The following SMARCA2 variants were observed in gnomAD, a reference collection of about 807,000 sequenced individuals.
SMARCA2 encodes the protein SWI/SNF-related matrix-associated actin-dependent regulator of chromatin subfamily A member 2.
Under a neutral mutation model 199.8 loss-of-function variants are expected in SMARCA2, and 61 were observed. The observed-to-expected ratio is 0.31, with a 90% CI of 0.25 to 0.38. The LOEUF (loss-of-function observed/expected upper bound fraction) is 0.38. SMARCA2 is among the 10% of genes least tolerant of loss of function. The pLI, the probability that SMARCA2 is intolerant of heterozygous loss-of-function variation, is 1.00. For synonymous variants in SMARCA2, 935 were observed against 732.0 expected, an observed-to-expected ratio of 1.28 and a Z score of -4.48; for missense variants, 1,344 against 2,012.2, an observed-to-expected ratio of 0.67 and a Z score of 6.35.
rs757101488 is a variant in SMARCA2 at position 2,191,314 on chromosome 9, G to C, written c.4643G>C (p.Gly1548Ala). The change falls in exon 33 of 34, where the codon GGC (glycine) becomes GCC (alanine). Residue 1548 changes from glycine (G) to alanine (A), a missense_variant. Gly to Ala is a moderately conservative substitution (Grantham distance 60, BLOSUM62 0). Transcript: ENST00000349721. The part of the protein sequence containing the change: ...KIKLNKKDDK[G>A]RDKGKGKKRP... ...AAGCTCAATAAAAAAGATGACAAAGGCCGGGACAAAGGGAAAGGCAAGAAA... is the reference window on the plus strand; with the variant it reads ...AAGCTCAATAAAAAAGATGACAAAGCCCGGGACAAAGGGAAAGGCAAGAAA... 3 of 1,614,072 alleles carry C rather than the reference G, an allele frequency of 1.9e-6. No homozygotes were observed. Among genetic ancestry groups the C allele is most frequent in the African/African-American group, 1.3e-5 (1 of 75,052 alleles).
In SMARCA2 at chr9:2,132,904, A is replaced by C. The variant is rs1028505864; in HGVS notation, c.3981+8967A>C. ...TTGCTTTAACAGCCCATTGGACTTA[A>C]CATTTCCCATTTTATATAATTCGGG... On this transcript the variant is annotated intron_variant, in intron 27 of 33. Transcript: ENST00000349721. 7.9e-5 allele frequency among the ~76,000 whole-genome samples: 12 copies of C among 152,214 alleles called. No individual in the cohort carries two copies. The South Asian group carries it at 8.3e-4, about 10-fold the overall frequency.
At chr9:2,019,009 T>TTTA (rs1377304203) in intron 1 of SMARCA2, among the ~76,000 whole-genome samples, 1 of 152,218 alleles carries the variant, frequency 6.6e-6, no homozygotes, top group Non-Finnish European at 1.5e-5. Context: ...TAATTGCTCT[T>TTTA]TTATTCTCTT....
intron 2 of SMARCA2, among the ~76,000 whole-genome samples, chr9:2,031,929 C>T (rs945680526): frequency 6.6e-6 from 1 of 152,210 alleles, no homozygotes; most frequent in Non-Finnish European, 1.5e-5. Flanking sequence ...GGCCTAAATA[C>T]ATCTGCTGTG....
intron 29 of SMARCA2, among the ~76,000 whole-genome samples, chr9:2,175,260 T>A (rs1037639886): frequency 6.6e-6 from 1 of 152,050 alleles, no homozygotes; most frequent in African/African-American, 2.4e-5. Flanking sequence ...AGCTGAGTGA[T>A]AGCTGACAAA....
At chr9:2,128,424 C>T (rs986342605) in intron 27 of SMARCA2, among the ~76,000 whole-genome samples, 32 of 152,184 alleles carry the variant, frequency 2.1e-4, no homozygotes, top group African/African-American at 7.5e-4. Flanking sequence ...TCATGGTGCT[C>T]TTAGCTCTTT....
intron 9 of SMARCA2, among the ~76,000 whole-genome samples, chr9:2,069,483 C>T (rs1490964456): frequency 8.6e-5 from 13 of 150,892 alleles, no homozygotes; most frequent in African/African-American, 2.2e-4. Context: ...GGCGTGAACA[C>T]GGGAGGCGGA....
Position 2,123,967 on chromosome 9 carries a change from C to A in SMARCA2, c.3981+30C>A. 1 of 1,528,086 alleles carries A rather than the reference C, an allele frequency of 6.5e-7. No homozygotes were observed. Among genetic ancestry groups the A allele is most frequent in the Non-Finnish European group, 8.9e-7 (1 of 1,126,856 alleles). The allele number at this position is 1,528,086 out of a possible 1,614,324, so 94.7% of individuals were successfully genotyped here. On this transcript the variant is annotated intron_variant, in intron 27 of 33. Transcript: ENST00000349721. This position sits in a 1 kb window ranked among gnomAD's most constrained non-coding sequence, Gnocchi z 4.1. ...GCCTAGCTTTTCTAACCCGCTCTCA[C>A]TAGGTGGAGGGTTTTTGGTGGCTTG...
intron 27 of SMARCA2, among the ~76,000 whole-genome samples, chr9:2,130,761 A>G (rs769756036): frequency 6.6e-6 from 1 of 152,190 alleles, no homozygotes; most frequent in African/African-American, 2.4e-5. Context: ...ATGCACAAGA[A>G]ATGGCCCATC....
intron 13 of SMARCA2, among the ~76,000 whole-genome samples, chr9:2,077,339 A>G (rs1174430382): frequency 6.6e-6 from 1 of 152,200 alleles, no homozygotes; most frequent in Non-Finnish European, 1.5e-5. Context: ...GGGGGCCTGC[A>G]TTCGAATCCT....
At position 2,017,023 on chromosome 9, in the gene SMARCA2, G is replaced by C. The variant is rs980987248; in HGVS notation, c.-37+1619G>C. The stretch of plus-strand genomic sequence containing the variant: ...AGCCTGGGTGCAGTTACACGGCGGA[G>C]GGCGGGGCGCGGCAGTGCGGGCTCC... On this transcript the variant is annotated intron_variant, in intron 1 of 33. Transcript: ENST00000349721. This position sits in a 1 kb window ranked among gnomAD's most constrained non-coding sequence, Gnocchi z 8.8. 8 of 152,296 alleles carry C rather than the reference G, an allele frequency of 5.3e-5. No homozygotes were observed. Among genetic ancestry groups the C allele is most frequent in the African/African-American group, 1.9e-4 (8 of 41,552 alleles). The allele number at this position is 152,296 out of a possible 1,614,324, so 9.4% of individuals were successfully genotyped here. A position where few individuals can be genotyped will look rare whatever the true frequency, so the allele number is the denominator to read the frequency against.
At chr9:2,043,070 G>A (rs965509641) in intron 4 of SMARCA2, 2 of 151,926 alleles carry the variant, frequency 1.3e-5, no homozygotes, top group South Asian at 2.1e-4. Flanking sequence ...TCTATTTATT[G>A]TTTATCTCCT....
At chr9:2,081,644 C>G (rs1821572461) in intron 14 of SMARCA2, among the ~76,000 whole-genome samples, 188 bp from the exon 15 acceptor site, 1 of 152,194 alleles carries the variant, frequency 6.6e-6, no homozygotes, top group South Asian at 2.1e-4. Context: ...AGAAAGCTTA[C>G]TCATGGAGAG....
intron 22 of SMARCA2, among the ~76,000 whole-genome samples, chr9:2,103,475 G>C (rs1322902476): frequency 6.6e-6 from 1 of 152,160 alleles, no homozygotes; most frequent in Non-Finnish European, 1.5e-5. Flanking sequence ...AGTAAAATGA[G>C]ACTCTGTTTT....
chr9:2,023,465 C>A (rs552441214), intron 1 of SMARCA2, among the ~76,000 whole-genome samples: 2 of 152,086 alleles, frequency 1.3e-5, no homozygotes, highest in African/African-American at 4.8e-5. Flanking sequence ...TGTGAATAAC[C>A]CCAAGAATGC....
chr9:2,016,665 G>C lies in SMARCA2; in HGVS notation c.-37+1261G>C, dbSNP rs1818365447. 1.3e-5 allele frequency among the ~76,000 whole-genome samples: 2 copies of C among 151,836 alleles called. No individual in the cohort carries two copies. The highest frequency in any genetic ancestry group is 2.9e-5 in the Non-Finnish European group (2 of 67,916). On this transcript the variant is annotated intron_variant, in intron 1 of 33. Coordinates refer to ENST00000349721, the MANE Select transcript of SMARCA2 (RefSeq NM_003070.5). The surrounding 1 kb of genome is among the most constrained non-coding windows in gnomAD (Gnocchi z 5.6). ...CCCGGGAAGGGGAAGGGCTGCGGTG[G>C]GGAGGGAATAGGGGGGTGGCGAGGG...
chr9:2,096,607 G>A (rs1822283955), intron 19 of SMARCA2, 50 bp from the exon 20 acceptor site: 1 of 1,150,556 alleles, frequency 8.7e-7, no homozygotes, highest in Non-Finnish European at 1.3e-6. Flanking sequence ...TCTTAGAACA[G>A]GCGCCTTCTC....
At chr9:2,129,657 C>G (rs1007595635) in intron 27 of SMARCA2, among the ~76,000 whole-genome samples, 3 of 152,204 alleles carry the variant, frequency 2.0e-5, no homozygotes, top group Non-Finnish European at 4.4e-5. Context: ...CCCAGCCTCT[C>G]TGCCCTCCCT....
intron 29 of SMARCA2, among the ~76,000 whole-genome samples, chr9:2,177,051 C>G (rs1189488761): frequency 1.3e-5 from 2 of 152,168 alleles, no homozygotes; most frequent in Admixed American, 6.5e-5. Context: ...GCTTGTAACA[C>G]CTGCTTCATG....
chr9:2,121,413 T>G (rs1823454712), intron 26 of SMARCA2, among the ~76,000 whole-genome samples: 1 of 152,168 alleles, frequency 6.6e-6, no homozygotes. Flanking sequence ...TTAGACAGAT[T>G]TTAGGTTTGG....
Sources: allele counts gnomAD v4.1 joint callset (sites outside exome capture counted in the v4.1 genomes callset), GRCh38; gene constraint gnomAD v4.1.1; non-coding constraint Gnocchi (gnomAD v3.1); transcripts MANE v1.5; gene names NCBI Gene and HGNC (gene_info 2026-07-23, HGNC 2026-07-21).